Variants in VWA8 observed in about 807,000 individuals in gnomAD.
VWA8 encodes von Willebrand factor A domain containing 8.
A neutral mutation model predicts 241.5 loss-of-function variants in VWA8; 221 were observed. That is an observed-to-expected ratio of 0.91 (90% CI 0.82 to 1.02). The LOEUF is 1.02. VWA8 is among the 50% of genes least tolerant of loss of function. VWA8 has a pLI of 0.00. For missense variants in VWA8, 2,322 were observed against 2,328.7 expected (o/e 1.00, Z 0.06); for synonymous variants, 852 against 827.1 (o/e 1.03, Z -0.52).
chr13:41,829,968 C>T (rs1288694607), intron 14 of VWA8, among the ~76,000 whole-genome samples: 1 of 152,116 alleles, frequency 6.6e-6, no homozygotes, highest in Non-Finnish European at 1.5e-5. Flanking sequence ...GTCGGCCGGG[C>T]ACAGTGGCTC....
chr13:41,691,186 T>C (rs2045174539), intron 32 of VWA8, 134 bp downstream of exon 32: 7 of 1,105,222 alleles, frequency 6.3e-6, no homozygotes, highest in Non-Finnish European at 2.5e-6. Flanking sequence ...AAGTCTCATA[T>C]ATAGAGATGC....
chr13:41,590,878 G>A lies in VWA8; in HGVS notation c.4987-113C>T, dbSNP rs572872196. On this transcript the variant is annotated intron_variant, in intron 40 of 44. Transcript: ENST00000379310. ...CCTGGGATCTTTTCAGTAAGTGATG[G>A]TTCTGCATGAACACAGTCATATAAA... The A allele has an allele frequency of 1.1e-4, 145 of 1,344,902 alleles. 1 individual carries two copies. In the East Asian group the frequency reaches 3.3e-3, roughly 31 times the overall value. The allele number at this position is 1,344,902 out of a possible 1,614,324, so 83.3% of individuals were successfully genotyped here. A position where few individuals can be genotyped will look rare whatever the true frequency, so the allele number is the denominator to read the frequency against.
At chr13:41,724,122 G>A (rs975870599) in intron 24 of VWA8, among the ~76,000 whole-genome samples, 1 of 152,140 alleles carries the variant, frequency 6.6e-6, no homozygotes, top group Non-Finnish European at 1.5e-5. Flanking sequence ...GATTCAGTAC[G>A]ATGAGGACTA....
intron 35 of VWA8, among the ~76,000 whole-genome samples, chr13:41,679,933 T>C (rs2045086764): frequency 6.9e-6 from 1 of 144,668 alleles, no homozygotes; most frequent in African/African-American, 2.5e-5. Flanking sequence ...ACCTTCATCA[T>C]TATGGTGCCC....
chr13:41,955,670 G>A (rs1472786662), intron 1 of VWA8: 1 of 152,176 alleles, frequency 6.6e-6, no homozygotes, highest in African/African-American at 2.4e-5. Flanking sequence ...TAACCAAAGG[G>A]GCAAATTGTT....
chr13:41,745,360 A>G (rs1441761175), intron 21 of VWA8, among the ~76,000 whole-genome samples: 4 of 151,996 alleles, frequency 2.6e-5, no homozygotes, highest in East Asian at 3.9e-4. Flanking sequence ...TCATTGTTCA[A>G]TTCCCACCTA....
intron 2 of VWA8, among the ~76,000 whole-genome samples, chr13:41,913,748 T>C (rs1336640604): frequency 6.6e-6 from 1 of 152,226 alleles, no homozygotes; most frequent in Non-Finnish European, 1.5e-5. Flanking sequence ...TAAAGCATAT[T>C]ATAATCTCCC....
intron 26 of VWA8, among the ~76,000 whole-genome samples, chr13:41,718,460 C>A (rs1162750368): frequency 1.3e-5 from 2 of 151,848 alleles, no homozygotes; most frequent in African/African-American, 4.8e-5. Flanking sequence ...GCAACTGCCA[C>A]CCAGTCATTC....
chr13:41,698,354 A>C lies in VWA8; in HGVS notation c.3564+717T>G, dbSNP rs559592757. On this transcript the variant is annotated intron_variant, in intron 29 of 44. Coordinates refer to ENST00000379310, the MANE Select transcript of VWA8 (RefSeq NM_015058.2). ...GCTCCTTTCTATTGGTATTGTATAG[A>C]TTAACTTAGACCTTTAGAATGATCA... 5.3e-5 allele frequency among the ~76,000 whole-genome samples: 8 copies of C among 152,030 alleles called. No homozygotes were observed. The South Asian group carries it at 1.7e-3, about 32-fold the overall frequency.
Position 41,580,978 on chromosome 13 carries a change from C to CTATTTTATTT in VWA8, c.5272-5150_5272-5141dup, listed in dbSNP as rs562896724. ...CTTCTGTCAAGGGAGAGTGAGTCAT[C>CTATTTTATTT]TATTTTATTTTATTTTATTTTATTT... On this transcript the variant is annotated intron_variant, in intron 42 of 44. Transcript: ENST00000379310. 4.6e-5 allele frequency among the ~76,000 whole-genome samples: 6 copies of CTATTTTATTT among 129,638 alleles called. 1 individual carries two copies. The highest frequency in any genetic ancestry group is 2.2e-4 in the East Asian group (1 of 4,510). The allele number at this position is 129,638 out of a possible 152,430, so 85.0% of individuals were successfully genotyped here. A position where few individuals can be genotyped will look rare whatever the true frequency, so the allele number is the denominator to read the frequency against.
At position 41,845,467 on chromosome 13, in the gene VWA8, A is replaced by G. The variant is rs530116443; in HGVS notation, c.1426-11936T>C. On this transcript the variant is annotated intron_variant, in intron 12 of 44. Coordinates refer to ENST00000379310, the MANE Select transcript of VWA8 (RefSeq NM_015058.2). ...CGACCCAGCAATCCTATTACTGGGT[A>G]TATGCCCAAAGGAAAATAAATAGTT... is the stretch of plus-strand genomic sequence containing the variant. 3.3e-5 allele frequency among the ~76,000 whole-genome samples: 5 copies of G among 152,156 alleles called. No individual in the cohort carries two copies. The South Asian group carries it at 1.0e-3, about 32-fold the overall frequency.
rs373592857 is a variant in VWA8, at chr13:41,761,122, T to C, written c.2426+6A>G. 1.9e-5 allele frequency: 30 copies of C among 1,610,430 alleles called. No homozygotes were observed. The African/African-American group carries it at 3.6e-4, about 19-fold the overall frequency. ...TTTTAAGAGGTTGTGGGTCTAATAG[T>C]CTTACCTGTGTAGCTGAATATATTC... On this transcript the variant is annotated splice_donor_region_variant and intron_variant, in intron 21 of 44. Coordinates refer to ENST00000379310, the MANE Select transcript of VWA8 (RefSeq NM_015058.2).
At chr13:41,594,935 T>C (rs2044478798) in intron 40 of VWA8, among the ~76,000 whole-genome samples, 1 of 152,206 alleles carries the variant, frequency 6.6e-6, no homozygotes, top group Non-Finnish European at 1.5e-5. Flanking sequence ...TTAAATTTGT[T>C]GGGAAGACAA....
In VWA8 at chr13:41,758,350, C is replaced by G. The variant is rs1404537752; in HGVS notation, c.2426+2778G>C. 8.1e-5 allele frequency among the ~76,000 whole-genome samples: 9 copies of G among 110,830 alleles called. No individual in the cohort carries two copies. In the South Asian group the frequency reaches 1.8e-3, roughly 22 times the overall value. The allele number at this position is 110,830 out of a possible 152,430, so 72.7% of individuals were successfully genotyped here. A position where few individuals can be genotyped will look rare whatever the true frequency, so the allele number is the denominator to read the frequency against. On this transcript the variant is annotated intron_variant, in intron 21 of 44. Coordinates refer to ENST00000379310, the MANE Select transcript of VWA8 (RefSeq NM_015058.2). ...GTAAATAGTATTTTTAAATTTTTTC[C>G]CATTGCTATAGATACTAGCATATAT...
intron 32 of VWA8, among the ~76,000 whole-genome samples, chr13:41,690,838 A>G (rs2045171908): frequency 6.6e-6 from 1 of 152,120 alleles, no homozygotes. Context: ...TTTCATCAAG[A>G]ACTGCACAGT....
rs2044294646 is a variant in VWA8, at chr13:41,570,627, A to G, written c.5450T>C (p.Val1817Ala). ...EGTEHAIKEI[V>A]KEEADEYFVI... The stretch of plus-strand genomic sequence containing the variant: ...AAAGTACTCATCAGCTTCTTCTTTG[A>G]CAATTTCCTTGATGGCATGTTCTGT... Residue 1817 changes from valine to alanine, a missense_variant, in exon 44 of 45, where the codon GTC becomes GCC. Coordinates refer to ENST00000379310, the MANE Select transcript of VWA8 (RefSeq NM_015058.2). The G allele has an allele frequency of 6.2e-7, 1 of 1,614,242 alleles. No individual in the cohort carries two copies. Among genetic ancestry groups the G allele is most frequent in the Non-Finnish European group, 8.5e-7 (1 of 1,180,046 alleles).
Position 41,721,416 on chromosome 13 carries a change from T to G in VWA8, c.2918A>C (p.Tyr973Ser). ...GACAACTTCTCTGGTAGAATAAGGA[T>G]AGTTAATAATCCCTTGGTCAGCCAA... is the stretch of plus-strand genomic sequence containing the variant. Reference protein sequence around the residue: ...RSLADQGIINYPYSTREVVNI... With the variant: ...RSLADQGIINSPYSTREVVNI... The change falls in exon 25 of 45, where the codon TAT becomes TCT. Residue 973 changes from tyrosine to serine, a missense_variant. By Grantham distance (144) the Tyr-to-Ser change is moderately radical. Transcript: ENST00000379310. 1 of 1,613,834 alleles carries G rather than the reference T, an allele frequency of 6.2e-7. No individual in the cohort carries two copies. The highest frequency in any genetic ancestry group is 8.5e-7 in the Non-Finnish European group (1 of 1,179,802).
intron 10 of VWA8, among the ~76,000 whole-genome samples, chr13:41,866,909 T>C (rs1873338890): frequency 6.6e-6 from 1 of 152,218 alleles, no homozygotes. Flanking sequence ...ATTTTATTTT[T>C]TGTCTTCCCC....
intron 41 of VWA8, 92 bp downstream of exon 41, chr13:41,590,547 AT>A (rs2044447571): frequency 7.7e-7 from 1 of 1,293,360 alleles, no homozygotes; most frequent in Non-Finnish European, 1.0e-6. Flanking sequence ...CATATTCAGG[AT>A]TTGTGATATT....
Sources: allele counts gnomAD v4.1 joint callset (sites outside exome capture counted in the v4.1 genomes callset), GRCh38; gene constraint gnomAD v4.1.1; transcripts MANE v1.5; gene names NCBI Gene and HGNC (gene_info 2026-07-23, HGNC 2026-07-21).